Variants in CCDC175 observed in about 807,000 individuals in gnomAD.
The protein encoded by CCDC175 is coiled-coil domain containing 175.
In CCDC175, 100 loss-of-function variants were observed where a neutral mutation model predicts 114.6. The observed-to-expected ratio is 0.87, with a 90% CI of 0.74 to 1.03. The LOEUF is 1.03. Among genes scored for constraint, CCDC175 ranks in the 50% least tolerant of loss-of-function variants. CCDC175 has a pLI of 0.00. For missense variants in CCDC175, 880 were observed against 917.8 expected, an observed-to-expected ratio of 0.96 and a Z score of 0.53; for synonymous variants, 306 against 308.7, an observed-to-expected ratio of 0.99 and a Z score of 0.09.
At chr14:59,540,880 T>C (rs1894743616) in intron 10 of CCDC175, 134 bp from the exon 11 acceptor site, 1 of 753,460 alleles carries the variant, frequency 1.3e-6, no homozygotes, top group Non-Finnish European at 2.1e-6. Flanking sequence ...GTGAAACAAC[T>C]AAACATTTCA....
At chr14:59,571,374 G>A (rs952378083) in intron 3 of CCDC175, among the ~76,000 whole-genome samples, 21 of 152,128 alleles carry the variant, frequency 1.4e-4, no homozygotes, top group African/African-American at 4.8e-4. Context: ...CTAATCAGTG[G>A]TTAACATTCA....
chr14:59,539,441 G>A (rs1179486938), intron 11 of CCDC175, among the ~76,000 whole-genome samples: 2 of 152,128 alleles, frequency 1.3e-5, no homozygotes, highest in Admixed American at 6.5e-5. Context: ...TTAGCCAGGT[G>A]TGGTGGCACA....
At chr14:59,510,450 G>A (rs1259730740) in intron 19 of CCDC175, 196 bp downstream of exon 19, 1 of 523,436 alleles carries the variant, frequency 1.9e-6, no homozygotes, top group African/African-American at 1.9e-5. Context: ...AATTCTCTTA[G>A]GTGAAAGGCA....
chr14:59,507,874 T>C (rs35388362), intron 19 of CCDC175, among the ~76,000 whole-genome samples: 86,687 of 152,032 alleles, frequency 0.57, 26,524 homozygotes, highest in East Asian at 0.82. Flanking sequence ...TGAAGGCCTG[T>C]GGGATGTGAC....
At chr14:59,510,178 A>T (rs1180770180) in intron 19 of CCDC175, among the ~76,000 whole-genome samples, 1 of 152,166 alleles carries the variant, frequency 6.6e-6, no homozygotes, top group Non-Finnish European at 1.5e-5. Flanking sequence ...GAGAGACTGG[A>T]CTGCTTGCTC....
intron 3 of CCDC175, 98 bp downstream of exon 3, chr14:59,572,604 T>C: frequency 1.6e-6 from 1 of 632,204 alleles, no homozygotes; most frequent in Non-Finnish European, 2.6e-6. Flanking sequence ...TCTAGCTCTA[T>C]CTTACATGAG....
At chr14:59,526,911 G>A (rs545451874) in intron 15 of CCDC175, among the ~76,000 whole-genome samples, 184 bp downstream of exon 15, 42 of 152,202 alleles carry the variant, frequency 2.8e-4, no homozygotes, top group African/African-American at 1.0e-3. Context: ...TATGTGTACA[G>A]GTGTATGTGT....
chr14:59,511,139 G>A (rs1892716254), intron 18 of CCDC175, among the ~76,000 whole-genome samples: 1 of 152,160 alleles, frequency 6.6e-6, no homozygotes, highest in Non-Finnish European at 1.5e-5. Context: ...AAGGAACTTT[G>A]GAATCAGGCA....
rs7150390 is a variant in CCDC175 at position 59,572,865 on chromosome 14, T to C, written c.244-52A>G. 7,738 of 1,108,750 alleles carry C rather than the reference T, an allele frequency of 7.0e-3. 392 individuals are homozygous for C. The African/African-American group carries it at 0.11, about 16-fold the overall frequency. 68.7% of individuals were successfully genotyped at this position (1,108,750 alleles called of 1,614,324 possible). On this transcript the variant is annotated intron_variant, in intron 2 of 19. Transcript: ENST00000537690. Reference sequence around the variant, plus strand: ...AAGTTAAGACACTAAAATAGTAAGATTGATTTCCTAAACAATGCCCTACAA... The same window carrying C: ...AAGTTAAGACACTAAAATAGTAAGACTGATTTCCTAAACAATGCCCTACAA...
chr14:59,552,942 C>T (rs933666446), intron 7 of CCDC175, among the ~76,000 whole-genome samples: 1 of 152,148 alleles, frequency 6.6e-6, no homozygotes, highest in Non-Finnish European at 1.5e-5. Flanking sequence ...ATGAACAAAG[C>T]CTCCAAGAAA....
chr14:59,514,396 T>G (rs569026933), intron 17 of CCDC175, among the ~76,000 whole-genome samples: 1 of 152,190 alleles, frequency 6.6e-6, no homozygotes, highest in East Asian at 1.9e-4. Context: ...CAAACCCATG[T>G]CAAAGAAGTT....
At position 59,538,547 on chromosome 14, in the gene CCDC175, T is replaced by A. The variant is rs951635568; in HGVS notation, c.1491+158A>T. Among the ~76,000 whole-genome samples, 3 of 152,212 alleles carry A rather than the reference T, an allele frequency of 2.0e-5. No individual in the cohort carries two copies. The South Asian group carries it at 6.2e-4, about 32-fold the overall frequency. ...TTCTCTCTAGTTAATATACAGCAAGTGAATACATTTCCTAAGAAAATCAAA... is the reference window on the plus strand; with the variant it reads ...TTCTCTCTAGTTAATATACAGCAAGAGAATACATTTCCTAAGAAAATCAAA... On this transcript the variant is annotated intron_variant, in intron 12 of 19. Coordinates refer to ENST00000537690, the MANE Select transcript of CCDC175 (RefSeq NM_001164399.2).
chr14:59,532,003 T>G, intron 13 of CCDC175, 93 bp from the exon 14 acceptor site: 1 of 652,632 alleles, frequency 1.5e-6, no homozygotes, highest in East Asian at 2.8e-5. Flanking sequence ...GGGAAAGAGT[T>G]TCATCTGTCT....
chr14:59,547,271 T>C (rs147038694), intron 8 of CCDC175, among the ~76,000 whole-genome samples: 3 of 152,288 alleles, frequency 2.0e-5, no homozygotes, highest in East Asian at 1.9e-4. Context: ...TGTTAACGGA[T>C]TGGAAGCCTC....
At chr14:59,516,680 G>C (rs1382537005) in intron 17 of CCDC175, among the ~76,000 whole-genome samples, 9 of 152,114 alleles carry the variant, frequency 5.9e-5, no homozygotes, top group Non-Finnish European at 1.5e-5. Context: ...ATAATTAATA[G>C]CTTACCAACC....
intron 13 of CCDC175, among the ~76,000 whole-genome samples, chr14:59,537,804 T>C (rs1235756381): frequency 1.3e-5 from 2 of 152,200 alleles, no homozygotes; most frequent in African/African-American, 4.8e-5. Context: ...TTCTACATAA[T>C]TTGAAGTGTG....
At chr14:59,535,777 C>T (rs1346084322) in intron 13 of CCDC175, among the ~76,000 whole-genome samples, 1 of 152,346 alleles carries the variant, frequency 6.6e-6, no homozygotes, top group East Asian at 1.9e-4. Context: ...TAAGGGTGTG[C>T]CTGATGCTCC....
At chr14:59,557,177 T>C (rs1319413040) in intron 7 of CCDC175, among the ~76,000 whole-genome samples, 1 of 152,138 alleles carries the variant, frequency 6.6e-6, no homozygotes, top group Non-Finnish European at 1.5e-5. Flanking sequence ...GTATGTTTAT[T>C]GCGGCACTAT....
chr14:59,568,206 AC>A (rs1456371609), intron 4 of CCDC175, 38 bp downstream of exon 4: 2 of 1,496,428 alleles, frequency 1.3e-6, no homozygotes, highest in South Asian at 2.6e-5. Context: ...CCAGCCTCAG[AC>A]CCCTGCTCCC....
Sources: allele counts gnomAD v4.1 joint callset (sites outside exome capture counted in the v4.1 genomes callset), GRCh38; gene constraint gnomAD v4.1.1; transcripts MANE v1.5; gene names NCBI Gene and HGNC (gene_info 2026-07-23, HGNC 2026-07-21).